CPQ: variants seen among roughly 807,000 people sequenced by gnomAD.
The protein encoded by CPQ is Ser-Met dipeptidase.
A neutral mutation model predicts 45.7 loss-of-function variants in CPQ; 37 were observed. That is an observed-to-expected ratio of 0.81 (90% CI 0.62 to 1.07). The LOEUF is 1.07. CPQ is among the 50% of genes least tolerant of loss of function. The pLI is 0.00. For missense variants in CPQ, 537 were observed against 572.9 expected, an observed-to-expected ratio of 0.94 and a Z score of 0.64; for synonymous variants, 186 against 205.8, an observed-to-expected ratio of 0.90 and a Z score of 0.82.
chr8:96,779,493 C>T (rs1810660141), intron 1 of CPQ, among the ~76,000 whole-genome samples: 1 of 151,974 alleles, frequency 6.6e-6, no homozygotes, highest in Non-Finnish European at 1.5e-5. Flanking sequence ...GTCAAATTAC[C>T]TGGTTGATTA....
intron 1 of CPQ, among the ~76,000 whole-genome samples, chr8:96,672,869 G>T (rs1809024525): frequency 6.6e-6 from 1 of 151,956 alleles, no homozygotes; most frequent in South Asian, 2.1e-4. Context: ...AGATTCAGGG[G>T]GTACATGTGT....
intron 5 of CPQ, among the ~76,000 whole-genome samples, chr8:97,008,734 C>A (rs1373883949): frequency 6.6e-6 from 1 of 152,118 alleles, no homozygotes; most frequent in African/African-American, 2.4e-5. Flanking sequence ...GCTTCCTGAT[C>A]CATACAACAG....
At chr8:97,041,726 G>T (rs1390151638) in intron 6 of CPQ, among the ~76,000 whole-genome samples, 2 of 152,144 alleles carry the variant, frequency 1.3e-5, no homozygotes, top group African/African-American at 4.8e-5. Context: ...GGCCTTTTCT[G>T]CGTCTATTGA....
chr8:96,829,494 T>G (rs1255137386), intron 2 of CPQ, among the ~76,000 whole-genome samples: 1 of 152,082 alleles, frequency 6.6e-6, no homozygotes, highest in Non-Finnish European at 1.5e-5. Context: ...CATAAATACC[T>G]TGGTTAAAAG....
At chr8:96,842,254 T>C (rs1227423087) in intron 3 of CPQ, among the ~76,000 whole-genome samples, 1 of 152,314 alleles carries the variant, frequency 6.6e-6, no homozygotes, top group East Asian at 1.9e-4. Flanking sequence ...AGATTTTTGA[T>C]GTCCTGGTGG....
At chr8:96,655,071 T>A (rs1284230578) in intron 1 of CPQ, among the ~76,000 whole-genome samples, 1 of 152,140 alleles carries the variant, frequency 6.6e-6, no homozygotes, top group Admixed American at 6.6e-5. Context: ...TCCAGTTTTG[T>A]TTGTTTTATT....
At chr8:96,899,508 C>G (rs1274852500) in intron 4 of CPQ, among the ~76,000 whole-genome samples, 1 of 152,116 alleles carries the variant, frequency 6.6e-6, no homozygotes, top group Non-Finnish European at 1.5e-5. Context: ...GTGCTGACAT[C>G]TGCTCGGCTT....
In CPQ at chr8:96,962,528, T is replaced by C. The variant is rs150881726; in HGVS notation, c.850-3407T>C. Among the ~76,000 whole-genome samples the C allele has an allele frequency of 2.1e-3, 319 of 152,374 alleles. 2 individuals are homozygous for C. Among genetic ancestry groups the C allele is most frequent in the African/African-American group, 7.4e-3 (309 of 41,598 alleles). ...AGCATTTATCAGGTGATATTTTTCA[T>C]GAAACTGCAGTTTACTGCATTTCTG... is the stretch of plus-strand genomic sequence containing the variant. On this transcript the variant is annotated intron_variant, in intron 4 of 7. Transcript: ENST00000220763.
At position 96,666,216 on chromosome 8, in the gene CPQ, T is replaced by C. The variant is rs77617187; in HGVS notation, c.-35+20814T>C. ...GGCAGGAGAATATTGGCTAGGTGTA[T>C]GAGGATTTGATAAGGGAGGTCATGC... On this transcript the variant is annotated intron_variant, in intron 1 of 7. Transcript: ENST00000220763. Among the ~76,000 whole-genome samples, 6 of 152,142 alleles carry C rather than the reference T, an allele frequency of 3.9e-5. 1 individual carries two copies. The East Asian group carries it at 1.2e-3, about 29-fold the overall frequency.
chr8:96,962,833 C>T lies in CPQ; in HGVS notation c.850-3102C>T, dbSNP rs866603195. Among the ~76,000 whole-genome samples the T allele has an allele frequency of 7.9e-5, 12 of 152,248 alleles. 1 individual carries two copies. Among genetic ancestry groups the T allele is most frequent in the Middle Eastern group, 3.4e-3 (1 of 294 alleles). The stretch of plus-strand genomic sequence containing the variant: ...TACTGAATTAGAAGTATCTTTTTGT[C>T]ATTACCTAGTTTTAAATCAATAGAT... On this transcript the variant is annotated intron_variant, in intron 4 of 7. Coordinates refer to ENST00000220763, the MANE Select transcript of CPQ (RefSeq NM_016134.4).
At chr8:96,989,363 G>A (rs2130402175) in intron 5 of CPQ, among the ~76,000 whole-genome samples, 1 of 150,572 alleles carries the variant, frequency 6.6e-6, no homozygotes, top group South Asian at 2.1e-4. Context: ...GCATGTTTCA[G>A]GTCAGTTCTG....
chr8:97,123,062 T>TA (rs1251888032), intron 7 of CPQ, among the ~76,000 whole-genome samples: 1 of 29,760 alleles, frequency 3.4e-5, no homozygotes, highest in Non-Finnish European at 6.8e-5. Flanking sequence ...TAAAATAAAA[T>TA]AAAAAAAATA....
intron 1 of CPQ, among the ~76,000 whole-genome samples, chr8:96,711,025 G>T (rs35466184): frequency 0.38 from 57,028 of 151,808 alleles, 11,119 homozygotes; most frequent in East Asian, 0.61. Context: ...ATGTGGGAGC[G>T]CCAGAGTTAG....
At chr8:97,069,470 TAA>T (rs76928528) in intron 7 of CPQ, among the ~76,000 whole-genome samples, 40 of 124,536 alleles carry the variant, frequency 3.2e-4, no homozygotes, top group Admixed American at 3.3e-4. Context: ...CATCTGTCTC[TAA>T]AAAAAAAAAA....
intron 7 of CPQ, among the ~76,000 whole-genome samples, chr8:97,099,550 GTT>G (rs1200145139): frequency 5.6e-5 from 8 of 142,994 alleles, no homozygotes; most frequent in East Asian, 4.1e-4. Context: ...AGATATGTGT[GTT>G]TTTTTTTTTT....
At chr8:96,733,023 T>C (rs528521080) in intron 1 of CPQ, among the ~76,000 whole-genome samples, 1 of 152,346 alleles carries the variant, frequency 6.6e-6, no homozygotes, top group African/African-American at 2.4e-5. Context: ...TATCCTGATA[T>C]GAGTATACTC....
At chr8:96,659,171 A>G (rs1815670531) in intron 1 of CPQ, 1 of 152,078 alleles carries the variant, frequency 6.6e-6, no homozygotes. Flanking sequence ...GTTGTCTTGT[A>G]ATTACCCAAA....
chr8:96,739,271 G>A (rs1810043726), intron 1 of CPQ, among the ~76,000 whole-genome samples: 1 of 149,854 alleles, frequency 6.7e-6, no homozygotes, highest in Non-Finnish European at 1.5e-5. Flanking sequence ...TTTGAGAAGT[G>A]TCTGTTCATG....
Position 96,719,981 on chromosome 8 carries a change from G to A in CPQ, c.-34-64883G>A, listed in dbSNP as rs565863961. On this transcript the variant is annotated intron_variant, in intron 1 of 7. Coordinates refer to ENST00000220763, the MANE Select transcript of CPQ (RefSeq NM_016134.4). The stretch of plus-strand genomic sequence containing the variant: ...TGAAGCCTGCCACTTCATTCAAAGG[G>A]TCTGTGGTTTCTTTTAGTTTTCCTG... Among the ~76,000 whole-genome samples the A allele has an allele frequency of 3.3e-5, 5 of 152,244 alleles. No individual in the cohort carries two copies. In the East Asian group the frequency reaches 9.7e-4, roughly 29 times the overall value.
Sources: allele counts gnomAD v4.1 joint callset (sites outside exome capture counted in the v4.1 genomes callset), GRCh38; gene constraint gnomAD v4.1.1; transcripts MANE v1.5; gene names NCBI Gene and HGNC (gene_info 2026-07-23, HGNC 2026-07-21).